Variants in AK8 observed in about 807,000 individuals in gnomAD.
AK8 encodes ATP-AMP transphosphorylase 8.
In AK8, 44 loss-of-function variants were observed where a neutral mutation model predicts 54.6. The observed-to-expected ratio is 0.81, with a 90% confidence interval of 0.63 to 1.04. The LOEUF is 1.04. AK8 is among the 50% of genes least tolerant of loss of function. The pLI is 0.00. For synonymous variants in AK8, 239 were observed against 245.6 expected (o/e 0.97, Z 0.25); for missense variants, 555 against 613.6 (o/e 0.90, Z 1.01).
At chr9:132,741,066 C>T (rs746527332) in intron 11 of AK8, among the ~76,000 whole-genome samples, 6 of 152,192 alleles carry the variant, frequency 3.9e-5, no homozygotes, top group Non-Finnish European at 8.8e-5. Flanking sequence ...CCTTTTCCCC[C>T]CATTTCCTGG....
At chr9:132,727,591 T>G in intron 11 of AK8, 57 bp from the exon 12 acceptor site, 1 of 1,510,342 alleles carries the variant, frequency 6.6e-7, no homozygotes, top group Non-Finnish European at 9.1e-7. Context: ...TTTATGATGC[T>G]GTGACATCCT....
chr9:132,766,345 C>T (rs937967437), intron 11 of AK8, among the ~76,000 whole-genome samples: 27 of 152,128 alleles, frequency 1.8e-4, no homozygotes, highest in African/African-American at 5.6e-4. Context: ...AACTCCTGGG[C>T]TCAAGCAATC....
At chr9:132,741,032 C>A (rs1464609070) in intron 11 of AK8, among the ~76,000 whole-genome samples, 4 of 152,164 alleles carry the variant, frequency 2.6e-5, no homozygotes, top group Non-Finnish European at 5.9e-5. Context: ...GGCCACCCAG[C>A]CTTCCTGCCA....
intron 5 of AK8, among the ~76,000 whole-genome samples, chr9:132,842,657 C>A (rs1164062557): frequency 6.6e-6 from 1 of 152,238 alleles, no homozygotes; most frequent in African/African-American, 2.4e-5. Context: ...CAGTTATTAT[C>A]ACATGGTTTT....
chr9:132,861,304 AC>A (rs1169453339), intron 4 of AK8: 2 of 152,074 alleles, frequency 1.3e-5, no homozygotes, highest in Admixed American at 6.5e-5. Context: ...TGCAGCCTGT[AC>A]CCCCTTCCCA....
At chr9:132,867,151 G>A (rs1335713311) in intron 2 of AK8, among the ~76,000 whole-genome samples, 198 bp from the exon 3 acceptor site, 5 of 152,230 alleles carry the variant, frequency 3.3e-5, no homozygotes, top group African/African-American at 1.2e-4. Context: ...AGTGATCACC[G>A]AGATGGTTTA....
intron 5 of AK8, among the ~76,000 whole-genome samples, chr9:132,840,406 TCACACACACACACACACACA>T (rs55856402): frequency 1.4e-5 from 2 of 143,042 alleles, no homozygotes; most frequent in Non-Finnish European, 3.1e-5. Context: ...AAGTGGACAC[TCACACACACACACACACACA>T]CACACACACA....
chr9:132,824,708 T>C lies in AK8; in HGVS notation c.758-1372A>G, dbSNP rs1054267265. Among the ~76,000 whole-genome samples, 5 of 152,296 alleles carry C rather than the reference T, an allele frequency of 3.3e-5. 1 individual carries two copies. The highest frequency in any genetic ancestry group is 1.9e-4 in the East Asian group (1 of 5,188). On this transcript the variant is annotated intron_variant, in intron 8 of 12. Coordinates refer to ENST00000298545, the MANE Select transcript of AK8 (RefSeq NM_152572.3). ...TTGTGAACCGCTGGGATATGTTCAT[T>C]GTGAAAATCCTGAACTCTCAAATCT...
At chr9:132,787,781 A>G (rs1040237679) in intron 11 of AK8, among the ~76,000 whole-genome samples, 2 of 152,194 alleles carry the variant, frequency 1.3e-5, no homozygotes, top group Admixed American at 6.5e-5. Context: ...TTTAGAACAC[A>G]TGTGTTTCCG....
intron 11 of AK8, among the ~76,000 whole-genome samples, chr9:132,757,375 A>C (rs569866924): frequency 6.6e-6 from 1 of 152,366 alleles, no homozygotes; most frequent in East Asian, 1.9e-4. Flanking sequence ...CAGGTGAAGA[A>C]GACAAGGAGA....
intron 11 of AK8, among the ~76,000 whole-genome samples, chr9:132,761,650 G>GTTGT (rs1838477459): frequency 6.6e-6 from 1 of 152,004 alleles, no homozygotes; most frequent in Non-Finnish European, 1.5e-5. Context: ...TTGCCATAAA[G>GTTGT]TTGTTTGTAA....
chr9:132,855,814 C>A lies in AK8; in HGVS notation c.334-889G>T, dbSNP rs141033248. Among the ~76,000 whole-genome samples the A allele has an allele frequency of 1.1e-4, 16 of 152,262 alleles. 1 individual carries two copies. In the Middle Eastern group the frequency reaches 0.017, roughly 163 times the overall value. ...CATCTACACTCCACTTACAGTAACA[C>A]GGGCCCCCAAAGAGGAATCCCAAAG... On this transcript the variant is annotated intron_variant, in intron 4 of 12. Coordinates refer to ENST00000298545, the MANE Select transcript of AK8 (RefSeq NM_152572.3).
At position 132,837,611 on chromosome 9, in the gene AK8, G is replaced by A. The variant is rs1334726769; in HGVS notation, c.403-8885C>T. Among the ~76,000 whole-genome samples, 1 of 152,160 alleles carries A rather than the reference G, an allele frequency of 6.6e-6. No individual in the cohort carries two copies. Among genetic ancestry groups the A allele is most frequent in the African/African-American group, 2.4e-5 (1 of 41,422 alleles). ...TTTTTCCTCTTCTACTGCAGTGAGAGGGATGATCTGAGGCATCACACATCC... is the reference window on the plus strand; with the variant it reads ...TTTTTCCTCTTCTACTGCAGTGAGAAGGATGATCTGAGGCATCACACATCC... On this transcript the variant is annotated intron_variant, in intron 5 of 12. Transcript: ENST00000298545. The surrounding 1 kb of genome is among the most constrained non-coding windows in gnomAD (Gnocchi z 4.3).
chr9:132,785,642 G>T (rs1056846944), intron 11 of AK8, among the ~76,000 whole-genome samples: 3 of 152,040 alleles, frequency 2.0e-5, no homozygotes, highest in African/African-American at 4.8e-5. Context: ...AATAAAGTAA[G>T]AAAAGCAAAA....
Position 132,744,972 on chromosome 9 carries a change from G to A in AK8, c.1122-17438C>T, listed in dbSNP as rs546405105. Among the ~76,000 whole-genome samples, 6 of 152,294 alleles carry A rather than the reference G, an allele frequency of 3.9e-5. No individual in the cohort carries two copies. In the South Asian group the frequency reaches 1.0e-3, roughly 26 times the overall value. On this transcript the variant is annotated intron_variant, in intron 11 of 12. Transcript: ENST00000298545. ...CCGCCAGTCACTTCCCGCAGTCTGC[G>A]GAGTGGAGGGGGTGGAGACGGGTCC...
chr9:132,752,425 A>G lies in AK8; in HGVS notation c.1122-24891T>C, dbSNP rs538640646. ...CCACCACGCCTGGCTAATTTTTTGT[A>G]TTTTTAGTAGAGATGGGGTTTTACC... On this transcript the variant is annotated intron_variant, in intron 11 of 12. Coordinates refer to ENST00000298545, the MANE Select transcript of AK8 (RefSeq NM_152572.3). Among the ~76,000 whole-genome samples, 5 of 151,394 alleles carry G rather than the reference A, an allele frequency of 3.3e-5. No homozygotes were observed. The South Asian group carries it at 1.0e-3, about 32-fold the overall frequency.
At chr9:132,861,633 T>TA in intron 4 of AK8, 1 of 152,230 alleles carries the variant, frequency 6.6e-6, no homozygotes, top group Non-Finnish European at 1.5e-5. Context: ...AGTGGCAACG[T>TA]AAGAGAATTC....
rs117300683 is a variant in AK8, at chr9:132,781,663, G to A, written c.1121+10971C>T. 4.8e-3 allele frequency among the ~76,000 whole-genome samples: 736 copies of A among 152,056 alleles called. 3 individuals carry two copies. Among genetic ancestry groups the A allele is most frequent in the Non-Finnish European group, 7.5e-3 (512 of 67,998 alleles). On this transcript the variant is annotated intron_variant, in intron 11 of 12. Coordinates refer to ENST00000298545, the MANE Select transcript of AK8 (RefSeq NM_152572.3). The surrounding 1 kb of genome is among the most constrained non-coding windows in gnomAD (Gnocchi z 4.6). ...TATCTGAATTATAGATTTCTGTATC[G>A]TATTCCCAGATTGATTTCTAGGCTA...
rs1187851564 is a variant in AK8 at position 132,837,127 on chromosome 9, T to C, written c.403-8401A>G. Among the ~76,000 whole-genome samples, 1 of 152,100 alleles carries C rather than the reference T, an allele frequency of 6.6e-6. No homozygotes were observed. Among genetic ancestry groups the C allele is most frequent in the Non-Finnish European group, 1.5e-5 (1 of 68,018 alleles). On this transcript the variant is annotated intron_variant, in intron 5 of 12. Coordinates refer to ENST00000298545, the MANE Select transcript of AK8 (RefSeq NM_152572.3). This position sits in a 1 kb window ranked among gnomAD's most constrained non-coding sequence, Gnocchi z 4.3. ...TGAGGTCAAGAGATCGAGACCATCCTGGCCAACGTGGTGAAACCCCATCTC... is the reference window on the plus strand; with the variant it reads ...TGAGGTCAAGAGATCGAGACCATCCCGGCCAACGTGGTGAAACCCCATCTC...
Sources: gnomAD v4.1 joint callset for allele counts (sites outside exome capture counted in the v4.1 genomes callset) on GRCh38, gnomAD v4.1.1 for gene constraint, Gnocchi (gnomAD v3.1) non-coding constraint, MANE v1.5 for transcripts, NCBI Gene and HGNC (gene_info 2026-07-23, HGNC 2026-07-21) for gene names.